The following SYT16 variants were observed in gnomAD, a reference collection of about 807,000 sequenced individuals.
SYT16 encodes the protein synaptotagmin 16, also known as synaptotagmin-16.
A neutral mutation model predicts 61.4 loss-of-function variants in SYT16; 42 were observed. That is an observed-to-expected ratio of 0.68 (90% confidence interval 0.53 to 0.89). The LOEUF (loss-of-function observed/expected upper bound fraction) is 0.89. Ranked by LOEUF, SYT16 falls within the 40% of genes least tolerant of loss-of-function variation. The probability of loss-of-function intolerance (pLI) is 0.00; values close to 1 mark genes in which losing one functional copy is unlikely to be tolerated. For missense variants in SYT16, 804 were observed against 807.3 expected, an observed-to-expected ratio of 1.00 and a Z score of 0.05; for synonymous variants, 314 against 302.3, an observed-to-expected ratio of 1.04 and a Z score of -0.40.
In SYT16 at chr14:62,109,198, C is replaced by T. The variant is rs1208863939; in HGVS notation, c.*8491C>T. The T allele has an allele frequency of 2.0e-5, 3 of 152,172 alleles. No individual in the cohort carries two copies. The highest frequency in any genetic ancestry group is 7.2e-5 in the African/African-American group (3 of 41,450). 9.4% of individuals were successfully genotyped at this position (152,172 alleles called of 1,614,324 possible). ...TCTGCCTATTCATTCCTCCCTCCCA[C>T]CTAAGCCCTGGCATCCACTGGTCCT... On this transcript the variant is annotated 3_prime_UTR_variant, in exon 8 of 8. Coordinates refer to ENST00000683842, the MANE Select transcript of SYT16 (RefSeq NM_001367656.1).
Position 62,103,267 on chromosome 14 carries a change from G to A in SYT16, c.*2560G>A, listed in dbSNP as rs1490130549. On this transcript the variant is annotated 3_prime_UTR_variant, in exon 8 of 8. Coordinates refer to ENST00000683842, the MANE Select transcript of SYT16 (RefSeq NM_001367656.1). ...GCTTTTACATTTGGTTTTCAAAAGA[G>A]TTATGAAAGATAATTAGTTGGTTCT... The A allele has an allele frequency of 1.3e-5, 2 of 152,170 alleles. No individual in the cohort carries two copies. The highest frequency in any genetic ancestry group is 2.9e-5 in the Non-Finnish European group (2 of 68,026). The allele number at this position is 152,170 out of a possible 1,614,324, so 9.4% of individuals were successfully genotyped here. A position where few individuals can be genotyped will look rare whatever the true frequency, so the allele number is the denominator to read the frequency against.
intron 6 of SYT16, among the ~76,000 whole-genome samples, chr14:62,081,579 C>A (rs1237114181): frequency 6.6e-6 from 1 of 152,160 alleles, no homozygotes; most frequent in Non-Finnish European, 1.5e-5. Flanking sequence ...GATAACTGAT[C>A]CTACTCCTCC....
chr14:61,936,394 G>A (rs930826415), intron 1 of SYT16, among the ~76,000 whole-genome samples: 3 of 151,782 alleles, frequency 2.0e-5, no homozygotes, highest in African/African-American at 4.8e-5. Flanking sequence ...AATTTGTTCC[G>A]GCTGCTGGGG....
intron 1 of SYT16, among the ~76,000 whole-genome samples, chr14:61,953,408 C>T (rs2050748035): frequency 6.6e-6 from 1 of 151,928 alleles, no homozygotes; most frequent in South Asian, 2.1e-4. Context: ...AAACTTCAAC[C>T]TCCATATAAT....
intron 1 of SYT16, among the ~76,000 whole-genome samples, chr14:61,838,187 A>G (rs547789595): frequency 6.6e-6 from 1 of 152,146 alleles, no homozygotes; most frequent in South Asian, 2.1e-4. Flanking sequence ...ACATTCCTTT[A>G]TTTTTCTATA....
intron 1 of SYT16, among the ~76,000 whole-genome samples, chr14:61,873,960 G>GTT (rs2047408827): frequency 6.6e-6 from 1 of 152,150 alleles, no homozygotes; most frequent in Non-Finnish European, 1.5e-5. Context: ...AAGTAAAGGA[G>GTT]AATATATTCT....
chr14:62,029,124 G>C (rs1487621112), intron 3 of SYT16, among the ~76,000 whole-genome samples: 1 of 152,136 alleles, frequency 6.6e-6, no homozygotes. Flanking sequence ...GAATGAAATG[G>C]TTCTTTTTTC....
At chr14:61,893,304 T>C (rs1391732892) in intron 1 of SYT16, among the ~76,000 whole-genome samples, 1 of 152,244 alleles carries the variant, frequency 6.6e-6, no homozygotes, top group Admixed American at 6.5e-5. Context: ...TGGGTATTTA[T>C]GACTTGTACG....
intron 1 of SYT16, among the ~76,000 whole-genome samples, chr14:61,967,011 A>G (rs1165622768): frequency 6.6e-5 from 10 of 152,210 alleles, no homozygotes; most frequent in African/African-American, 2.4e-4. Context: ...TAACATTTGA[A>G]ATTGGTTGAA....
intron 3 of SYT16, among the ~76,000 whole-genome samples, chr14:62,056,976 C>T (rs543839374): frequency 6.6e-6 from 1 of 152,284 alleles, no homozygotes; most frequent in South Asian, 2.1e-4. Flanking sequence ...CAGACGTGTT[C>T]CGAAACGTGA....
At chr14:61,915,627 A>G (rs1451899721) in intron 1 of SYT16, among the ~76,000 whole-genome samples, 2 of 152,176 alleles carry the variant, frequency 1.3e-5, no homozygotes, top group Non-Finnish European at 2.9e-5. Flanking sequence ...TTACTTCTCA[A>G]CACATACCAT....
intron 1 of SYT16, among the ~76,000 whole-genome samples, chr14:61,947,519 G>A (rs2050495718): frequency 1.3e-5 from 2 of 152,004 alleles, no homozygotes; most frequent in Non-Finnish European, 2.9e-5. Context: ...ATTTTCTTGA[G>A]GAATCTTCCA....
At chr14:61,826,158 A>G (rs1023003027) in intron 1 of SYT16, among the ~76,000 whole-genome samples, 1 of 150,436 alleles carries the variant, frequency 6.6e-6, no homozygotes, top group Non-Finnish European at 1.5e-5. Context: ...GCTCAGGTGC[A>G]AGGTTGGAAC....
At chr14:62,098,623 C>G (rs140399808) in intron 7 of SYT16, among the ~76,000 whole-genome samples, 98 of 152,296 alleles carry the variant, frequency 6.4e-4, no homozygotes, top group African/African-American at 2.2e-3. Context: ...GTTGAGCTTC[C>G]TGACTAGACA....
At chr14:62,059,182 T>C (rs527721319) in intron 3 of SYT16, among the ~76,000 whole-genome samples, 4 of 152,160 alleles carry the variant, frequency 2.6e-5, no homozygotes, top group Admixed American at 6.5e-5. Context: ...GACGCAAGTT[T>C]ACCTATGTAA....
intron 3 of SYT16, among the ~76,000 whole-genome samples, chr14:62,065,615 C>G (rs1234134544): frequency 2.6e-5 from 4 of 152,106 alleles, no homozygotes; most frequent in African/African-American, 4.8e-5. Context: ...CTTATGACTA[C>G]TTAAATTTTA....
At chr14:62,002,102 T>C (rs1327068362) in intron 3 of SYT16, among the ~76,000 whole-genome samples, 1 of 152,122 alleles carries the variant, frequency 6.6e-6, no homozygotes, top group Non-Finnish European at 1.5e-5. Flanking sequence ...GACAGGATGT[T>C]TTTCTTTGTT....
At chr14:61,993,004 T>C (rs945798791) in intron 2 of SYT16, among the ~76,000 whole-genome samples, 1 of 148,724 alleles carries the variant, frequency 6.7e-6, no homozygotes, top group African/African-American at 2.5e-5. Context: ...AACTGTCAAT[T>C]TTTGTAAAAA....
chr14:61,954,299 T>C (rs1429321355), intron 1 of SYT16, among the ~76,000 whole-genome samples: 4 of 147,688 alleles, frequency 2.7e-5, no homozygotes, highest in Non-Finnish European at 4.5e-5. Context: ...ATGGCTGCAA[T>C]TGGTTAGCCT....
Sources: allele counts gnomAD v4.1 joint callset (sites outside exome capture counted in the v4.1 genomes callset), GRCh38; gene constraint gnomAD v4.1.1; transcripts MANE v1.5; gene names NCBI Gene and HGNC (gene_info 2026-07-23, HGNC 2026-07-21).